TDRD12: variants seen among roughly 807,000 people sequenced by gnomAD.
TDRD12 encodes putative ATP-dependent RNA helicase TDRD12.
TDRD12 carries 158 observed loss-of-function variants against 133.5 expected under a neutral mutation model. The ratio of observed to expected loss-of-function variants is 1.18; its 90% CI spans 1.04 to 1.35. The LOEUF (loss-of-function observed/expected upper bound fraction) is 1.35, where lower values mean the gene tolerates loss of function less well. TDRD12 is among the 40% of genes most tolerant of loss of function. The probability of loss-of-function intolerance (pLI) is 0.00; values close to 1 mark genes in which losing one functional copy is unlikely to be tolerated. For missense variants in TDRD12, 1,443 were observed against 1,321.3 expected, an observed-to-expected ratio of 1.09 and a Z score of -1.43; for synonymous variants, 460 against 477.9, an observed-to-expected ratio of 0.96 and a Z score of 0.49.
intron 11 of TDRD12, among the ~76,000 whole-genome samples, chr19:32,785,835 G>T (rs893789085): frequency 6.6e-6 from 1 of 152,016 alleles, no homozygotes; most frequent in African/African-American, 2.4e-5. Context: ...TTGCACGTGA[G>T]ATGGGTCTCC....
chr19:32,773,799 A>G (rs938551580), intron 10 of TDRD12, among the ~76,000 whole-genome samples: 2 of 152,174 alleles, frequency 1.3e-5, no homozygotes, highest in African/African-American at 2.4e-5. Flanking sequence ...AAAATAGTCC[A>G]TTTTCAAAGA....
chr19:32,778,531 G>A (rs1436961670), intron 11 of TDRD12, among the ~76,000 whole-genome samples: 2 of 151,660 alleles, frequency 1.3e-5, no homozygotes, highest in Non-Finnish European at 2.9e-5. Flanking sequence ...ACGGAATCTT[G>A]CTCTGTCACC....
rs987047683 is a variant in TDRD12, at chr19:32,722,914, A to G, written c.24+2818A>G. 2.6e-5 allele frequency among the ~76,000 whole-genome samples: 4 copies of G among 152,046 alleles called. No homozygotes were observed. The East Asian group carries it at 7.7e-4, about 29-fold the overall frequency. ...AGGCTGGTCTGCAACTCCTGACCTC[A>G]AGTGATCTGCCCTCCTCGGCCTCCC... On this transcript the variant is annotated intron_variant, in intron 1 of 27. Coordinates refer to ENST00000444215, the Ensembl canonical transcript of TDRD12.
chr19:32,808,375 G>T (rs1209831020), intron 22 of TDRD12, among the ~76,000 whole-genome samples: 1 of 152,176 alleles, frequency 6.6e-6, no homozygotes, highest in East Asian at 1.9e-4. Context: ...GGATGTCAGG[G>T]TGTCAGCAGG....
chr19:32,824,324 C>T (rs1411911212), downstream of TDRD12: 1 of 152,648 alleles, frequency 6.6e-6, no homozygotes, highest in Non-Finnish European at 1.5e-5. Context: ...CAGGATCTGC[C>T]AGCCCTGCTG....
At chr19:32,762,950 G>A (rs943988946) in intron 8 of TDRD12, among the ~76,000 whole-genome samples, 1 of 152,166 alleles carries the variant, frequency 6.6e-6, no homozygotes, top group Non-Finnish European at 1.5e-5. Context: ...GTATGTTACT[G>A]TATTGAATGC....
chr19:32,725,870 GTCC>G (rs1223894168), intron 1 of TDRD12, among the ~76,000 whole-genome samples: 1 of 151,940 alleles, frequency 6.6e-6, no homozygotes, highest in Non-Finnish European at 1.5e-5. Context: ...ATTTGTTTGT[GTCC>G]TCTTTTATTT....
At chr19:32,816,099 C>G (rs1967172388) in intron 26 of TDRD12, among the ~76,000 whole-genome samples, 1 of 152,116 alleles carries the variant, frequency 6.6e-6, no homozygotes, top group Non-Finnish European at 1.5e-5. Flanking sequence ...TATCTATACC[C>G]CAGCCCACAC....
intron 1 of TDRD12, among the ~76,000 whole-genome samples, chr19:32,721,554 T>C (rs1968666409): frequency 6.6e-6 from 1 of 150,534 alleles, no homozygotes; most frequent in Non-Finnish European, 1.5e-5. Context: ...CCTGGCTAAT[T>C]TTTGTATTTT....
chr19:32,787,921 A>C (rs915747482), intron 11 of TDRD12, among the ~76,000 whole-genome samples: 2 of 152,014 alleles, frequency 1.3e-5, no homozygotes, highest in African/African-American at 4.8e-5. Flanking sequence ...ACCCTGCTTC[A>C]GCTCACCCTC....
exon 23 of TDRD12, chr19:32,810,208 A>C: frequency 1.3e-6 from 2 of 1,536,026 alleles, no homozygotes; most frequent in Non-Finnish European, 8.7e-7. Flanking sequence ...AAGGATTCTA[A>C]TAAAACAACT....
exon 24 of TDRD12, chr19:32,811,270 A>G (rs903625463): frequency 6.5e-7 from 1 of 1,536,126 alleles, no homozygotes; most frequent in African/African-American, 1.4e-5. Context: ...ACATCCTTGT[A>G]GAGTTCATCG....
chr19:32,728,670 A>T (rs1395938298), intron 1 of TDRD12, among the ~76,000 whole-genome samples: 6 of 133,356 alleles, frequency 4.5e-5, no homozygotes, highest in Non-Finnish European at 7.8e-5. Flanking sequence ...TTTGTGACAG[A>T]GTCTCACTCT....
chr19:32,749,694 T>C, intron 5 of TDRD12, 90 bp from the exon 6 acceptor site: 1 of 999,826 alleles, frequency 1.0e-6, no homozygotes, highest in Non-Finnish European at 1.5e-6. Context: ...CTTAAGTGGT[T>C]AGCAGAGGTT....
intron 8 of TDRD12, among the ~76,000 whole-genome samples, chr19:32,772,057 G>T: frequency 6.6e-6 from 1 of 152,154 alleles, no homozygotes; most frequent in East Asian, 1.9e-4. Context: ...GGCATGGCAG[G>T]AGGGTTTGCC....
chr19:32,751,914 C>T (rs1423345612), intron 6 of TDRD12, among the ~76,000 whole-genome samples: 4 of 152,060 alleles, frequency 2.6e-5, no homozygotes, highest in Admixed American at 2.6e-4. Context: ...CACTCTGTTG[C>T]CCAGGCTGGA....
intron 17 of TDRD12, 75 bp from the exon 18 acceptor site, chr19:32,800,569 C>T: frequency 7.9e-7 from 1 of 1,271,826 alleles, no homozygotes; most frequent in East Asian, 2.7e-5. Context: ...TATTAAAATC[C>T]CAACACCTGT....
chr19:32,809,300 A>G (rs1302112312), intron 22 of TDRD12, among the ~76,000 whole-genome samples: 1 of 152,166 alleles, frequency 6.6e-6, no homozygotes, highest in Non-Finnish European at 1.5e-5. Context: ...GAAGCCTTCC[A>G]GGCTCGCTTG....
At chr19:32,822,157 C>T (rs1026454534), downstream of TDRD12, among the ~76,000 whole-genome samples, 7 of 152,122 alleles carry the variant, frequency 4.6e-5, no homozygotes, top group African/African-American at 9.7e-5. Flanking sequence ...TGGTTGGGCA[C>T]GGTGGCTCAT....
Sources: allele counts gnomAD v4.1 joint callset (sites outside exome capture counted in the v4.1 genomes callset), GRCh38; gene constraint gnomAD v4.1.1; transcripts MANE v1.5; gene names NCBI Gene and HGNC (gene_info 2026-07-23, HGNC 2026-07-21).